The following PABPC4L variants were observed in gnomAD, a reference collection of about 807,000 sequenced individuals.
PABPC4L encodes poly(A) binding protein cytoplasmic 4 like.
For synonymous variants in PABPC4L, 169 were observed against 164.1 expected (o/e 1.03, Z -0.23); for missense variants, 452 against 451.4 (o/e 1.00, Z -0.01).
the PABPC4L span, among the ~76,000 whole-genome samples, chr4:134,115,291 C>G: frequency 6.6e-6 from 1 of 151,806 alleles, no homozygotes; most frequent in Non-Finnish European, 1.5e-5. Flanking sequence ...AACTTGGCCT[C>G]TGTCCTCATT....
the PABPC4L span, among the ~76,000 whole-genome samples, chr4:134,000,632 G>A: frequency 6.6e-6 from 1 of 152,062 alleles, no homozygotes; most frequent in Non-Finnish European, 1.5e-5. Flanking sequence ...GGTATTTTCA[G>A]AAAAGATTAG....
chr4:133,979,580 A>G, the PABPC4L span, among the ~76,000 whole-genome samples: 1 of 152,112 alleles, frequency 6.6e-6, no homozygotes, highest in Non-Finnish European at 1.5e-5. Flanking sequence ...TAGTTCCATA[A>G]AGACGTCGTC....
chr4:134,182,280 C>T, the PABPC4L span, among the ~76,000 whole-genome samples: 1 of 151,964 alleles, frequency 6.6e-6, no homozygotes, highest in Admixed American at 6.6e-5. Context: ...ACCAGTGGAA[C>T]ATAATAGAGA....
chr4:133,967,864 G>C, the PABPC4L span, among the ~76,000 whole-genome samples: 1 of 152,186 alleles, frequency 6.6e-6, no homozygotes, highest in African/African-American at 2.4e-5. Flanking sequence ...GGCAAGGCAA[G>C]AATATAAGCT....
chr4:134,020,288 C>T, the PABPC4L span, among the ~76,000 whole-genome samples: 1 of 152,044 alleles, frequency 6.6e-6, no homozygotes, highest in Non-Finnish European at 1.5e-5. Context: ...AGGTACAATG[C>T]TTGTTTATAT....
chr4:134,007,018 C>G, the PABPC4L span, among the ~76,000 whole-genome samples: 1 of 151,510 alleles, frequency 6.6e-6, no homozygotes, highest in African/African-American at 2.4e-5. Context: ...TTGGATTAAC[C>G]AAATGCTCCA....
chr4:134,193,993 T>A (rs1729585331), downstream of PABPC4L, among the ~76,000 whole-genome samples: 1 of 151,928 alleles, frequency 6.6e-6, no homozygotes, highest in Non-Finnish European at 1.5e-5. Context: ...GAGACAGAAC[T>A]TTTCAGGCGA....
chr4:134,107,634 C>T, the PABPC4L span, among the ~76,000 whole-genome samples: 16 of 151,438 alleles, frequency 1.1e-4, no homozygotes, highest in African/African-American at 3.9e-4. Context: ...GTAGATAGAA[C>T]CTATCTAACT....
At chr4:133,991,328 G>C in the PABPC4L span, among the ~76,000 whole-genome samples, 6 of 152,206 alleles carry the variant, frequency 3.9e-5, no homozygotes, top group South Asian at 1.2e-3. Flanking sequence ...ATCCTGTAAG[G>C]TTCCCCAGAG....
the PABPC4L span, among the ~76,000 whole-genome samples, chr4:134,133,785 G>A: frequency 6.6e-6 from 1 of 151,906 alleles, no homozygotes; most frequent in Non-Finnish European, 1.5e-5. Flanking sequence ...ACTTATTCAT[G>A]TAATGAAACA....
chr4:134,146,155 T>C, the PABPC4L span, among the ~76,000 whole-genome samples: 990 of 152,024 alleles, frequency 6.5e-3, 10 homozygotes, highest in African/African-American at 0.022. Flanking sequence ...ACTTTTTGTT[T>C]TGGGTTTATT....
At chr4:134,054,324 T>G in the PABPC4L span, among the ~76,000 whole-genome samples, 1 of 144,516 alleles carries the variant, frequency 6.9e-6, no homozygotes, top group Non-Finnish European at 1.5e-5. Flanking sequence ...AATTCTGGAG[T>G]TTTAAATAAA....
At chr4:133,957,274 G>T in the PABPC4L span, among the ~76,000 whole-genome samples, 1 of 152,034 alleles carries the variant, frequency 6.6e-6, no homozygotes, top group Non-Finnish European at 1.5e-5. Flanking sequence ...GGGCCCAAAG[G>T]GTCTACAGGC....
the PABPC4L span, among the ~76,000 whole-genome samples, chr4:133,979,330 C>G: frequency 6.6e-6 from 1 of 152,000 alleles, no homozygotes; most frequent in Non-Finnish European, 1.5e-5. Context: ...TCCTAAAGTT[C>G]AAATGGAAGA....
the PABPC4L span, among the ~76,000 whole-genome samples, chr4:134,079,007 T>C: frequency 7.4e-6 from 1 of 136,034 alleles, no homozygotes; most frequent in Admixed American, 7.7e-5. Flanking sequence ...AGTCTTGCTC[T>C]GTCGCCCAGG....
chr4:134,134,493 T>C, the PABPC4L span, among the ~76,000 whole-genome samples: 3 of 151,736 alleles, frequency 2.0e-5, no homozygotes, highest in African/African-American at 4.8e-5. Flanking sequence ...AGCAAAGTAA[T>C]TTTTTTAAAG....
At chr4:134,075,078 G>A in the PABPC4L span, among the ~76,000 whole-genome samples, 2 of 152,156 alleles carry the variant, frequency 1.3e-5, no homozygotes, top group South Asian at 4.1e-4. Flanking sequence ...ATTTGTTTAA[G>A]CATTTCTTAT....
the PABPC4L span, among the ~76,000 whole-genome samples, chr4:133,965,495 G>T: frequency 1.3e-5 from 2 of 151,862 alleles, no homozygotes; most frequent in Admixed American, 6.6e-5. Flanking sequence ...CCAAAAAAGA[G>T]CCCACATAGC....
At chr4:134,002,778 C>T in the PABPC4L span, among the ~76,000 whole-genome samples, 1 of 151,888 alleles carries the variant, frequency 6.6e-6, no homozygotes, top group Non-Finnish European at 1.5e-5. Flanking sequence ...GAAATCATGG[C>T]TCAGAGAAAA....
Sources: gnomAD v4.1 joint callset for allele counts (sites outside exome capture counted in the v4.1 genomes callset) on GRCh38, gnomAD v4.1.1 for gene constraint, MANE v1.5 for transcripts, NCBI Gene and HGNC (gene_info 2026-07-23, HGNC 2026-07-21) for gene names.